Variants in OR4K1 observed in about 807,000 individuals in gnomAD.
The protein encoded by OR4K1 is olfactory receptor 4K1.
A neutral mutation model predicts 14.4 loss-of-function variants in OR4K1; 16 were observed. That is an observed-to-expected ratio of 1.11 (90% CI 0.75 to 1.68). The LOEUF (loss-of-function observed/expected upper bound fraction) is 1.68, where lower values mean the gene tolerates loss of function less well. Ranked by LOEUF, OR4K1 falls within the 40% of genes most tolerant of loss-of-function variation. OR4K1 has a pLI of 0.00. For missense variants in OR4K1, 548 were observed against 376.9 expected, an observed-to-expected ratio of 1.45 and a Z score of -3.76; for synonymous variants, 181 against 133.1, an observed-to-expected ratio of 1.36 and a Z score of -2.48.
chr14:19,927,472 A>C (rs899233522), upstream of OR4K1, among the ~76,000 whole-genome samples: 4 of 152,232 alleles, frequency 2.6e-5, no homozygotes, highest in Admixed American at 2.6e-4. Context: ...AATTGGAGGA[A>C]AGTAGTCTGG....
At position 19,936,505 on chromosome 14, in the gene OR4K1, C is replaced by A; in HGVS notation, c.839C>A (p.Pro280His). ...FLSVFYTVCT[P>H]LLNPIIYSLR... Reference sequence around the variant, plus strand: ...TCTGTGTTCTACACTGTTTGTACTCCCTTGTTGAACCCCATCATCTACTCT... The same window carrying A: ...TCTGTGTTCTACACTGTTTGTACTCACTTGTTGAACCCCATCATCTACTCT... The change falls in exon 2 of 2, where the codon CCC (proline) becomes CAC (histidine). Residue 280 changes from proline (P) to histidine (H), a missense_variant. By Grantham distance (77) the Pro-to-His change is moderately conservative (BLOSUM62 -2). Transcript: ENST00000641172. 6.2e-7 allele frequency: 1 copy of A among 1,613,796 alleles called. No individual in the cohort carries two copies. Among genetic ancestry groups the A allele is most frequent in the Non-Finnish European group, 8.5e-7 (1 of 1,180,010 alleles).
the OR4K1 span, chr14:19,920,927 T>C: frequency 6.2e-7 from 1 of 1,614,200 alleles, no homozygotes; most frequent in Non-Finnish European, 8.5e-7. Flanking sequence ...TTCACCTTTT[T>C]ACTGGAGGGG....
At chr14:19,921,596 T>C in the OR4K1 span, 2 of 1,598,210 alleles carry the variant, frequency 1.3e-6, no homozygotes, top group Admixed American at 1.8e-5. Context: ...CTCCTTCAAA[T>C]TCCTCAGGTC....
upstream of OR4K1, among the ~76,000 whole-genome samples, chr14:19,930,437 C>A (rs1882160748): frequency 6.6e-6 from 1 of 152,148 alleles, no homozygotes; most frequent in South Asian, 2.1e-4. Context: ...TAAATGAGAG[C>A]CTCTTTAAAT....
At chr14:19,923,273 T>C in the OR4K1 span, among the ~76,000 whole-genome samples, 2 of 152,250 alleles carry the variant, frequency 1.3e-5, no homozygotes, top group South Asian at 4.1e-4. Context: ...TGCATGTGTT[T>C]AGCCCTGCAC....
intron 1 of OR4K1, among the ~76,000 whole-genome samples, chr14:19,932,274 TTTG>T (rs1211520442): frequency 1.3e-5 from 2 of 152,344 alleles, no homozygotes; most frequent in Admixed American, 6.5e-5. Flanking sequence ...TTAACAATTT[TTTG>T]TTAATCATGT....
chr14:19,922,636 A>G, the OR4K1 span, among the ~76,000 whole-genome samples: 1 of 146,534 alleles, frequency 6.8e-6, no homozygotes, highest in Non-Finnish European at 1.5e-5. Flanking sequence ...TTCAGATTTA[A>G]TCAGTTTTTA....
At chr14:19,928,945 T>A (rs1472866413), upstream of OR4K1, among the ~76,000 whole-genome samples, 1 of 152,014 alleles carries the variant, frequency 6.6e-6, no homozygotes, top group Admixed American at 6.6e-5. Context: ...TTATTTAATG[T>A]TGATTGTGGG....
the OR4K1 span, chr14:19,920,554 T>G: frequency 6.5e-7 from 1 of 1,527,170 alleles, no homozygotes; most frequent in Non-Finnish European, 8.8e-7. Context: ...TCTGATTCCT[T>G]TCTATTTATC....
chr14:19,934,930 C>T (rs1311690163), intron 1 of OR4K1, among the ~76,000 whole-genome samples: 2 of 152,342 alleles, frequency 1.3e-5, no homozygotes, highest in South Asian at 4.1e-4. Flanking sequence ...GCCTTGGCCT[C>T]TCAAAGTGCT....
chr14:19,929,005 C>T (rs1340972774), upstream of OR4K1, among the ~76,000 whole-genome samples: 1 of 151,246 alleles, frequency 6.6e-6, no homozygotes, highest in African/African-American at 2.4e-5. Context: ...CAATTCTATC[C>T]ATTACATAGC....
chr14:19,930,254 G>C (rs1278095898), upstream of OR4K1, among the ~76,000 whole-genome samples: 2 of 152,284 alleles, frequency 1.3e-5, no homozygotes, highest in South Asian at 4.1e-4. Flanking sequence ...ATGCACACAG[G>C]ATAGATAGGA....
intron 1 of OR4K1, among the ~76,000 whole-genome samples, chr14:19,934,053 C>G (rs1882248064): frequency 6.6e-6 from 1 of 152,230 alleles, no homozygotes; most frequent in Non-Finnish European, 1.5e-5. Flanking sequence ...ACAATTTTAA[C>G]TTTTAAAATA....
At chr14:19,933,092 T>G (rs1201958561) in intron 1 of OR4K1, among the ~76,000 whole-genome samples, 1 of 151,682 alleles carries the variant, frequency 6.6e-6, no homozygotes, top group Non-Finnish European at 1.5e-5. Context: ...TGGCAAATCT[T>G]ATCACAAATG....
At position 19,935,686 on chromosome 14, in the gene OR4K1, C is replaced by A. The variant is rs146809169; in HGVS notation, c.20C>A (p.Ser7Ter). Residue 7 changes from serine (S) to a stop codon, truncating the protein, a stop_gained, in exon 2 of 2, where the codon TCG becomes TAG. Coordinates refer to ENST00000641172, the MANE Select transcript of OR4K1 (RefSeq NM_001004063.3). LOFTEE classifies it high-confidence loss of function. MAHTNESMVSEFVLLGL... is the reference protein window; with the variant it reads MAHTNE ...GGATACATGGCTCACACAAATGAAT[C>A]GATGGTGTCTGAGTTTGTACTTTTG... The A allele has an allele frequency of 1.9e-6, 3 of 1,600,844 alleles. No homozygotes were observed. In the South Asian group the frequency reaches 3.4e-5, roughly 18 times the overall value.
chr14:19,922,723 A>G, the OR4K1 span, among the ~76,000 whole-genome samples: 1 of 152,060 alleles, frequency 6.6e-6, no homozygotes, highest in Non-Finnish European at 1.5e-5. Context: ...ATGTAGTCAC[A>G]ACAGCCACAA....
intron 1 of OR4K1, among the ~76,000 whole-genome samples, chr14:19,932,646 GTC>G (rs1467748547): frequency 6.6e-6 from 1 of 152,210 alleles, no homozygotes; most frequent in African/African-American, 2.4e-5. Flanking sequence ...GCATCTCCTA[GTC>G]TACTGTAGGA....
At chr14:19,930,131 A>C (rs1200408049), upstream of OR4K1, among the ~76,000 whole-genome samples, 1 of 151,930 alleles carries the variant, frequency 6.6e-6, no homozygotes, top group Admixed American at 6.6e-5. Context: ...TCTCAAATTT[A>C]TATATATATA....
the OR4K1 span, chr14:19,920,938 A>T: frequency 6.2e-7 from 1 of 1,613,920 alleles, no homozygotes; most frequent in Non-Finnish European, 8.5e-7. Flanking sequence ...ACTGGAGGGG[A>T]GATGGTGCTA....
Sources: allele counts gnomAD v4.1 joint callset (sites outside exome capture counted in the v4.1 genomes callset), GRCh38; gene constraint gnomAD v4.1.1; transcripts MANE v1.5; gene names NCBI Gene and HGNC (gene_info 2026-07-23, HGNC 2026-07-21).